The following KANK1 variants were observed in gnomAD, a reference collection of about 807,000 sequenced individuals.
The protein encoded by KANK1 is KN motif and ankyrin repeat domain-containing protein 1.
Under a neutral mutation model 106.2 loss-of-function variants are expected in KANK1, and 109 were observed. That is an observed-to-expected ratio of 1.03 (90% CI 0.88 to 1.20). The LOEUF is 1.20. Among genes scored for constraint, KANK1 ranks in the 50% most tolerant of loss-of-function variants. The pLI is 0.00. For missense variants in KANK1, 2,399 were observed against 1,710.7 expected (o/e 1.40, Z -7.10); for synonymous variants, 873 against 652.2 (o/e 1.34, Z -5.16).
intron 2 of KANK1, among the ~76,000 whole-genome samples, chr9:691,257 T>C (rs937287070): frequency 1.3e-5 from 2 of 152,000 alleles, no homozygotes; most frequent in African/African-American, 4.8e-5. Flanking sequence ...CTGCTTTATG[T>C]AATCTAAACT....
chr9:568,469 G>A (rs1351389672), intron 1 of KANK1, among the ~76,000 whole-genome samples: 1 of 152,108 alleles, frequency 6.6e-6, no homozygotes, highest in East Asian at 1.9e-4. Context: ...CTCTCCCATA[G>A]AGGCAGAGAC....
intron 6 of KANK1, chr9:732,864 C>A: frequency 3.0e-6 from 1 of 330,242 alleles, no homozygotes; most frequent in Non-Finnish European, 5.5e-6. Flanking sequence ...TATAATTTAA[C>A]ATATGGAACC....
intron 1 of KANK1, among the ~76,000 whole-genome samples, chr9:628,309 A>G (rs9408645): frequency 0.96 from 146,848 of 152,278 alleles, 70,866 homozygotes; most frequent in East Asian, 1. Flanking sequence ...GTCAGACCTC[A>G]TCTTGTTTTT....
In KANK1 at chr9:627,148, G is replaced by A. The variant is rs1047811806; in HGVS notation, c.-83-49742G>A. 6.6e-5 allele frequency among the ~76,000 whole-genome samples: 10 copies of A among 152,258 alleles called. No homozygotes were observed. In the East Asian group the frequency reaches 1.4e-3, roughly 21 times the overall value. On this transcript the variant is annotated intron_variant, in intron 1 of 11. Transcript: ENST00000382297. ...CCTGGGAAATCTAGAATCATGAAAT[G>A]TAAGATACAGATTGTGCCCTAGATC... is the stretch of plus-strand genomic sequence containing the variant.
At chr9:486,355 G>T (rs982729630) in intron 3 of KANK1, among the ~76,000 whole-genome samples, 1 of 152,108 alleles carries the variant, frequency 6.6e-6, no homozygotes, top group African/African-American at 2.4e-5. Flanking sequence ...CATCATCGTC[G>T]TCATGATCAT....
At position 712,841 on chromosome 9, in the gene KANK1, T is replaced by C; in HGVS notation, c.2075T>C (p.Ile692Thr). Residue 692 changes from isoleucine to threonine, a missense_variant, in exon 3 of 12, where the codon ATA (isoleucine) becomes ACA (threonine). Ile to Thr is a moderately conservative substitution (Grantham distance 89, BLOSUM62 -1). Transcript: ENST00000382297. ...QFTNTETATLIESCTNTCLST... is the reference protein window; with the variant it reads ...QFTNTETATLTESCTNTCLST... ...ACCAACACCGAGACGGCCACCCTCA[T>C]AGAGTCCTGCACCAACACTTGTCTA... 6.2e-7 allele frequency: 1 copy of C among 1,613,210 alleles called. No individual in the cohort carries two copies. The highest frequency in any genetic ancestry group is 8.5e-7 in the Non-Finnish European group (1 of 1,179,820).
At chr9:667,156 C>A (rs1469539009) in intron 1 of KANK1, among the ~76,000 whole-genome samples, 1 of 151,734 alleles carries the variant, frequency 6.6e-6, no homozygotes, top group African/African-American at 2.4e-5. Context: ...TTTTCTCTTT[C>A]TTCGTGGTTC....
chr9:618,710 T>TA (rs1010693081), intron 1 of KANK1, among the ~76,000 whole-genome samples: 5 of 151,994 alleles, frequency 3.3e-5, no homozygotes, highest in South Asian at 4.2e-4. Flanking sequence ...TTGCTTTTTT[T>TA]AAAAAAAAGT....
chr9:717,666 T>C (rs1196277468), intron 3 of KANK1, among the ~76,000 whole-genome samples: 2 of 152,206 alleles, frequency 1.3e-5, no homozygotes, highest in Non-Finnish European at 1.5e-5. Flanking sequence ...GTTTCTGTTA[T>C]AACAAAAATG....
Position 524,982 on chromosome 9 carries a change from CTTTTT to C in KANK1, c.-84+20246_-84+20250del, listed in dbSNP as rs35377139. The stretch of plus-strand genomic sequence containing the variant: ...TTAGTCAATCCCAAACTCTTGCTGC[CTTTTT>C]TTTTTTTTTTTTTTTTTGAGGCAGA... On this transcript the variant is annotated intron_variant, in intron 1 of 11. Transcript: ENST00000382297. Among the ~76,000 whole-genome samples the C allele has an allele frequency of 4.3e-3, 392 of 91,946 alleles. 4 individuals are homozygous for C. The highest frequency in any genetic ancestry group is 0.016 in the African/African-American group (333 of 21,326). 60.3% of individuals were successfully genotyped at this position (91,946 alleles called of 152,430 possible).
chr9:671,106 A>C (rs1485832624), intron 1 of KANK1, among the ~76,000 whole-genome samples: 1 of 151,888 alleles, frequency 6.6e-6, no homozygotes, highest in East Asian at 1.9e-4. Flanking sequence ...GCTTTCATCT[A>C]CATTTTTAAA....
intron 1 of KANK1, among the ~76,000 whole-genome samples, chr9:529,624 T>A (rs1028802085): frequency 3.3e-5 from 5 of 152,258 alleles, no homozygotes; most frequent in African/African-American, 1.2e-4. Flanking sequence ...TTCAGACTGC[T>A]CCATGTGGAG....
intron 1 of KANK1, among the ~76,000 whole-genome samples, chr9:615,960 C>A (rs999177468): frequency 6.6e-6 from 1 of 152,244 alleles, no homozygotes; most frequent in Admixed American, 6.5e-5. Flanking sequence ...TGTGTTGATG[C>A]CATTTGCCTG....
chr9:623,291 G>A (rs536478792), intron 1 of KANK1, among the ~76,000 whole-genome samples: 2 of 152,088 alleles, frequency 1.3e-5, no homozygotes, highest in Non-Finnish European at 2.9e-5. Flanking sequence ...TAGCCAACAG[G>A]TAAATGAAAA....
intron 7 of KANK1, chr9:735,604 C>T (rs1244645293): frequency 9.5e-6 from 2 of 209,802 alleles, no homozygotes; most frequent in African/African-American, 2.2e-5. Context: ...TGCACAGATA[C>T]TCAAGTCCCT....
At chr9:517,097 A>G (rs1007369139) in intron 1 of KANK1, among the ~76,000 whole-genome samples, 3 of 151,344 alleles carry the variant, frequency 2.0e-5, no homozygotes, top group Admixed American at 1.3e-4. Flanking sequence ...AAATTCAGCA[A>G]GCTGTTTGTG....
intron 1 of KANK1, among the ~76,000 whole-genome samples, chr9:553,524 C>T (rs1387635450): frequency 6.6e-6 from 1 of 152,196 alleles, no homozygotes; most frequent in Non-Finnish European, 1.5e-5. Context: ...TGATCTTCCG[C>T]ACCCTGTAGT....
In KANK1 at chr9:589,051, C is replaced by T. The variant is rs140037962; in HGVS notation, c.-84+84297C>T. 4.4e-4 allele frequency among the ~76,000 whole-genome samples: 67 copies of T among 152,338 alleles called. No individual in the cohort carries two copies. In the East Asian group the frequency reaches 0.011, roughly 24 times the overall value. ...TTAACACTGTGACCAACCTGAAGAT[C>T]ACAAATTACCTTCCGTGACTCAGTT... On this transcript the variant is annotated intron_variant, in intron 1 of 11. Coordinates refer to ENST00000382297, the MANE Select transcript of KANK1 (RefSeq NM_015158.5).
intron 1 of KANK1, among the ~76,000 whole-genome samples, chr9:663,091 A>G (rs2138185456): frequency 6.6e-6 from 1 of 152,336 alleles, no homozygotes; most frequent in South Asian, 2.1e-4. Flanking sequence ...CATCAATTTA[A>G]GAGTTGATCA....
Sources: gnomAD v4.1 joint callset for allele counts (sites outside exome capture counted in the v4.1 genomes callset) on GRCh38, gnomAD v4.1.1 for gene constraint, MANE v1.5 for transcripts, NCBI Gene and HGNC (gene_info 2026-07-23, HGNC 2026-07-21) for gene names.